The following TRDN variants were observed in gnomAD, a reference collection of about 807,000 sequenced individuals.
TRDN encodes the protein triadin in skeletal muscle.
In TRDN, 161 loss-of-function variants were observed where a neutral mutation model predicts 149.7. The ratio of observed to expected loss-of-function variants is 1.08; its 90% CI spans 0.95 to 1.23. The LOEUF is 1.23. Ranked by LOEUF, TRDN falls within the 50% of genes most tolerant of loss-of-function variation. TRDN has a pLI of 0.00. For synonymous variants in TRDN, 294 were observed against 250.5 expected, an observed-to-expected ratio of 1.17 and a Z score of -1.64; for missense variants, 896 against 823.5, an observed-to-expected ratio of 1.09 and a Z score of -1.08.
At chr6:123,551,305 T>C (rs1326625737) in intron 2 of TRDN, among the ~76,000 whole-genome samples, 1 of 147,432 alleles carries the variant, frequency 6.8e-6, no homozygotes, top group Admixed American at 6.8e-5. Flanking sequence ...GATTTTCTGA[T>C]TTTCAGCCAT....
intron 12 of TRDN, among the ~76,000 whole-genome samples, chr6:123,425,455 G>C (rs1371287382): frequency 6.6e-6 from 1 of 151,890 alleles, no homozygotes; most frequent in Non-Finnish European, 1.5e-5. Flanking sequence ...TTATAAGAAT[G>C]GTTTTAAATT....
At chr6:123,472,786 C>T (rs1226704664) in intron 9 of TRDN, among the ~76,000 whole-genome samples, 2 of 152,200 alleles carry the variant, frequency 1.3e-5, no homozygotes, top group Non-Finnish European at 2.9e-5. Context: ...TCCCTGACCC[C>T]TGACCCCCGA....
At chr6:123,417,185 T>C (rs1773692382) in intron 12 of TRDN, among the ~76,000 whole-genome samples, 1 of 152,228 alleles carries the variant, frequency 6.6e-6, no homozygotes, top group South Asian at 2.1e-4. Context: ...TCTCCCTTTA[T>C]ATCTGTCTCA....
At chr6:123,585,591 T>TCA (rs1433108121) in intron 1 of TRDN, among the ~76,000 whole-genome samples, 27 of 152,118 alleles carry the variant, frequency 1.8e-4, no homozygotes, top group Middle Eastern at 3.4e-3. Context: ...GGAAGGAGTC[T>TCA]GAGAGCCTTG....
At chr6:123,254,356 A>G (rs1352191343) in intron 37 of TRDN, among the ~76,000 whole-genome samples, 1 of 152,070 alleles carries the variant, frequency 6.6e-6, no homozygotes, top group Non-Finnish European at 1.5e-5. Flanking sequence ...TCAGGGATAC[A>G]CATTTCAGTG....
At chr6:123,577,572 T>C (rs1782920898) in intron 1 of TRDN, among the ~76,000 whole-genome samples, 1 of 152,164 alleles carries the variant, frequency 6.6e-6, no homozygotes, top group South Asian at 2.1e-4. Flanking sequence ...GTTGATTTCA[T>C]GTCTTTGCTA....
chr6:123,230,400 G>C (rs968333471), intron 38 of TRDN, among the ~76,000 whole-genome samples: 2 of 151,842 alleles, frequency 1.3e-5, no homozygotes, highest in African/African-American at 4.8e-5. Context: ...GGTGGGAGGA[G>C]GGGGGAGGGA....
chr6:123,354,913 A>G (rs1780602086), intron 20 of TRDN, among the ~76,000 whole-genome samples: 1 of 151,758 alleles, frequency 6.6e-6, no homozygotes, highest in Admixed American at 6.6e-5. Flanking sequence ...TAAAATAAAT[A>G]AAATAACTAT....
intron 20 of TRDN, among the ~76,000 whole-genome samples, chr6:123,357,513 G>A (rs942921519): frequency 2.0e-5 from 3 of 151,982 alleles, no homozygotes; most frequent in Non-Finnish European, 4.4e-5. Context: ...AGAAACCTTT[G>A]AAAGCCAAAT....
chr6:123,241,016 T>C (rs1267304113), intron 38 of TRDN, among the ~76,000 whole-genome samples: 4 of 151,888 alleles, frequency 2.6e-5, no homozygotes. Flanking sequence ...AAGTATATTC[T>C]GTTTGTGTTT....
chr6:123,622,813 G>A (rs1296858947), intron 1 of TRDN, among the ~76,000 whole-genome samples: 1 of 152,062 alleles, frequency 6.6e-6, no homozygotes, highest in Non-Finnish European at 1.5e-5. Flanking sequence ...TTGTCATCAT[G>A]ATAGTATTGC....
chr6:123,566,551 G>A (rs572831974), intron 2 of TRDN, among the ~76,000 whole-genome samples: 38 of 152,242 alleles, frequency 2.5e-4, no homozygotes, highest in Admixed American at 1.0e-3. Context: ...ATGGCTTCAC[G>A]GCATTTACCT....
At chr6:123,285,872 C>T (rs1283603939) in intron 24 of TRDN, among the ~76,000 whole-genome samples, 1 of 151,804 alleles carries the variant, frequency 6.6e-6, no homozygotes, top group Non-Finnish European at 1.5e-5. Flanking sequence ...AGGACATGAA[C>T]AAATAATTCT....
intron 20 of TRDN, among the ~76,000 whole-genome samples, chr6:123,356,109 A>T (rs1170965908): frequency 6.6e-6 from 1 of 151,624 alleles, no homozygotes; most frequent in Non-Finnish European, 1.5e-5. Flanking sequence ...CATATTTATG[A>T]TTTCTTTTTC....
At chr6:123,518,613 CAA>C (rs1488135826) in intron 5 of TRDN, among the ~76,000 whole-genome samples, 1 of 152,126 alleles carries the variant, frequency 6.6e-6, no homozygotes, top group Non-Finnish European at 1.5e-5. Context: ...AACACAAAAT[CAA>C]AAGAGCAAAG....
chr6:123,292,757 G>T (rs1778054673), intron 24 of TRDN, among the ~76,000 whole-genome samples: 1 of 152,080 alleles, frequency 6.6e-6, no homozygotes, highest in East Asian at 1.9e-4. Flanking sequence ...GCTACAAAAG[G>T]GGGACACCAA....
intron 13 of TRDN, among the ~76,000 whole-genome samples, chr6:123,392,250 G>A (rs951284879): frequency 1.3e-5 from 2 of 151,996 alleles, no homozygotes; most frequent in Admixed American, 6.6e-5. Flanking sequence ...GTTAAATGTA[G>A]TTTAAAGAGC....
At chr6:123,292,937 CTT>C (rs1778063188) in intron 24 of TRDN, among the ~76,000 whole-genome samples, 1 of 152,280 alleles carries the variant, frequency 6.6e-6, no homozygotes, top group Non-Finnish European at 1.5e-5. Flanking sequence ...GGAAACATCT[CTT>C]TTGTCTTTGT....
chr6:123,453,036 A>G (rs1775885993), intron 10 of TRDN, among the ~76,000 whole-genome samples: 1 of 152,194 alleles, frequency 6.6e-6, no homozygotes, highest in Non-Finnish European at 1.5e-5. Flanking sequence ...TGCTGGGATA[A>G]TTGGCTAGCC....
Sources: allele counts gnomAD v4.1 joint callset (sites outside exome capture counted in the v4.1 genomes callset), GRCh38; gene constraint gnomAD v4.1.1; transcripts MANE v1.5; gene names NCBI Gene and HGNC (gene_info 2026-07-23, HGNC 2026-07-21).